The following COMMD1 variants were observed in gnomAD, a reference collection of about 807,000 sequenced individuals.
COMMD1 encodes copper metabolism domain containing 1.
COMMD1 carries 10 observed loss-of-function variants against 17.2 expected under a neutral mutation model. That is an observed-to-expected ratio of 0.58 (90% CI 0.36 to 0.99). The LOEUF (loss-of-function observed/expected upper bound fraction) is 0.99. Ranked by LOEUF, COMMD1 falls within the 50% of genes least tolerant of loss-of-function variation. The pLI is 0.01. For missense variants in COMMD1, 270 were observed against 231.8 expected (o/e 1.17, Z -1.07); for synonymous variants, 97 against 91.6 (o/e 1.06, Z -0.34).
chr2:62,084,602 T>C lies in COMMD1; in HGVS notation c.463-51229T>C, dbSNP rs1377501993. Among the ~76,000 whole-genome samples the C allele has an allele frequency of 2.8e-4, 42 of 152,180 alleles. 1 individual carries two copies. Among genetic ancestry groups the C allele is most frequent in the Admixed American group, 2.7e-3 (42 of 15,282 alleles). ...TTGTTCAAGGGTCAACTGTATTCTG[T>C]TTTATGATTTCTGAAAAAGGCTCAT... On this transcript the variant is annotated intron_variant, in intron 2 of 2. Coordinates refer to ENST00000311832, the MANE Select transcript of COMMD1 (RefSeq NM_152516.4).
intron 2 of COMMD1, among the ~76,000 whole-genome samples, chr2:62,004,234 A>G (rs1349642826): frequency 6.6e-6 from 1 of 152,250 alleles, no homozygotes. Flanking sequence ...TGTACATCAC[A>G]TACTTCAAAG....
At chr2:61,998,926 T>C (rs1668844432) in intron 1 of COMMD1, among the ~76,000 whole-genome samples, 2 of 152,178 alleles carry the variant, frequency 1.3e-5, no homozygotes, top group African/African-American at 4.8e-5. Flanking sequence ...TCTATGGGCA[T>C]GTTTCATGGC....
chr2:61,943,572 C>T (rs556216518), intron 1 of COMMD1, among the ~76,000 whole-genome samples: 8 of 152,130 alleles, frequency 5.3e-5, no homozygotes, highest in South Asian at 2.1e-4. Context: ...CCTTGGGTCA[C>T]GCCTGTAATC....
intron 1 of COMMD1, among the ~76,000 whole-genome samples, chr2:61,977,431 A>T (rs115646557): frequency 6.6e-6 from 1 of 150,456 alleles, no homozygotes; most frequent in Non-Finnish European, 1.5e-5. Flanking sequence ...TTTAGCATAG[A>T]TGGGGTTTCT....
intron 1 of COMMD1, among the ~76,000 whole-genome samples, chr2:61,982,169 A>G (rs1435993866): frequency 6.6e-6 from 1 of 152,052 alleles, no homozygotes; most frequent in Non-Finnish European, 1.5e-5. Flanking sequence ...TTCTTTCACT[A>G]TTGTTTTAAA....
chr2:62,055,514 T>C (rs1161857007), intron 2 of COMMD1: 5 of 454,742 alleles, frequency 1.1e-5, no homozygotes, highest in Admixed American at 7.1e-5. Context: ...ATTGAAGCCA[T>C]GAAACCTTCA....
intron 1 of COMMD1, among the ~76,000 whole-genome samples, chr2:61,893,055 C>CG (rs1669472682): frequency 6.6e-6 from 1 of 151,778 alleles, no homozygotes; most frequent in Non-Finnish European, 1.5e-5. Context: ...TTAGTAGAGA[C>CG]GGGGTTTCAC....
In COMMD1 at chr2:62,130,083, G is replaced by GAACGGCGTGAACCCGGCAGA. The variant is rs1672984715; in HGVS notation, c.463-5747_463-5746insACGGCGTGAACCCGGCAGAA. ...CCAGCTATTCAGGAGGCTGAGGCAG[G>GAACGGCGTGAACCCGGCAGA]AGAACGGCGTGAACCCGGGAGGCGG... On this transcript the variant is annotated intron_variant, in intron 2 of 2. Coordinates refer to ENST00000311832, the MANE Select transcript of COMMD1 (RefSeq NM_152516.4). Among the ~76,000 whole-genome samples, 4 of 151,304 alleles carry GAACGGCGTGAACCCGGCAGA rather than the reference G, an allele frequency of 2.6e-5. No homozygotes were observed. The South Asian group carries it at 8.3e-4, about 32-fold the overall frequency.
At chr2:61,961,125 T>A (rs947406001) in intron 1 of COMMD1, among the ~76,000 whole-genome samples, 6 of 152,156 alleles carry the variant, frequency 3.9e-5, no homozygotes, top group African/African-American at 1.4e-4. Context: ...TGGTGTTGCC[T>A]AAAAAAGGAA....
In COMMD1 at chr2:62,009,788, A is replaced by C. The variant is rs536587414; in HGVS notation, c.462+8806A>C. 4.6e-5 allele frequency among the ~76,000 whole-genome samples: 7 copies of C among 152,240 alleles called. No individual in the cohort carries two copies. The South Asian group carries it at 1.4e-3, about 32-fold the overall frequency. On this transcript the variant is annotated intron_variant, in intron 2 of 2. Transcript: ENST00000311832. Reference sequence around the variant, plus strand: ...AGAAGGGAATGTTTTAACAAAGTAAAATAAAATAAAAAATAAAAAAGCTAA... The same window carrying C: ...AGAAGGGAATGTTTTAACAAAGTAACATAAAATAAAAAATAAAAAAGCTAA...
At chr2:61,982,311 G>T (rs1671975958) in intron 1 of COMMD1, among the ~76,000 whole-genome samples, 1 of 152,104 alleles carries the variant, frequency 6.6e-6, no homozygotes, top group South Asian at 2.1e-4. Flanking sequence ...TTGGCATATA[G>T]AAATACTGCT....
rs567082574 is a variant in COMMD1 at position 62,018,308 on chromosome 2, G to C, written c.462+17326G>C. On this transcript the variant is annotated intron_variant, in intron 2 of 2. Transcript: ENST00000311832. ...GAGGAGCAGTTCACCAAAGGAATTA[G>C]GCATGCTGGACAAACAAAACCAATA... Among the ~76,000 whole-genome samples, 268 of 152,264 alleles carry C rather than the reference G, an allele frequency of 1.8e-3. 2 individuals carry two copies. The highest frequency in any genetic ancestry group is 5.2e-3 in the African/African-American group (218 of 41,544).
At chr2:62,109,335 A>G (rs1672393809) in intron 2 of COMMD1, among the ~76,000 whole-genome samples, 1 of 152,186 alleles carries the variant, frequency 6.6e-6, no homozygotes, top group Non-Finnish European at 1.5e-5. Context: ...GGACAATAGA[A>G]TGGAAGCTAA....
At chr2:61,915,479 A>T (rs1026738128) in intron 1 of COMMD1, among the ~76,000 whole-genome samples, 1 of 151,942 alleles carries the variant, frequency 6.6e-6, no homozygotes, top group Non-Finnish European at 1.5e-5. Context: ...CTTCAAACAC[A>T]TTTAAAAATT....
At chr2:61,998,262 T>G (rs944173906) in intron 1 of COMMD1, among the ~76,000 whole-genome samples, 1 of 150,368 alleles carries the variant, frequency 6.7e-6, no homozygotes, top group African/African-American at 2.4e-5. Context: ...TTTTTTTTTT[T>G]TTTTGTTTGA....
intron 1 of COMMD1, among the ~76,000 whole-genome samples, chr2:61,924,914 A>C (rs1240808880): frequency 1.3e-5 from 2 of 152,122 alleles, no homozygotes; most frequent in Admixed American, 6.6e-5. Flanking sequence ...AGAGGAGGTA[A>C]CTGCTGTATC....
chr2:62,119,767 T>TCA (rs1162078487), intron 2 of COMMD1, among the ~76,000 whole-genome samples: 3 of 152,214 alleles, frequency 2.0e-5, no homozygotes, highest in Admixed American at 1.3e-4. Flanking sequence ...TTGGTTTGAT[T>TCA]AGTACCACTT....
rs190444854 is a variant in COMMD1, at chr2:61,923,629, G to A, written c.180+17771G>A. Among the ~76,000 whole-genome samples, 268 of 152,252 alleles carry A rather than the reference G, an allele frequency of 1.8e-3. 2 individuals are homozygous for A. Among genetic ancestry groups the A allele is most frequent in the African/African-American group, 6.1e-3 (253 of 41,552 alleles). On this transcript the variant is annotated intron_variant, in intron 1 of 2. Coordinates refer to ENST00000311832, the MANE Select transcript of COMMD1 (RefSeq NM_152516.4). ...GGATACCAAGGTCACTGTGAACCAT[G>A]TGAGATAAGATGATAAAGGGGACCT...
chr2:61,983,907 T>G (rs1325339024), intron 1 of COMMD1, among the ~76,000 whole-genome samples: 1 of 152,216 alleles, frequency 6.6e-6, no homozygotes, highest in Admixed American at 6.5e-5. Flanking sequence ...TTCTAATTCT[T>G]TAAGATGCAT....
Sources: gnomAD v4.1 joint callset for allele counts (sites outside exome capture counted in the v4.1 genomes callset) on GRCh38, gnomAD v4.1.1 for gene constraint, MANE v1.5 for transcripts, NCBI Gene and HGNC (gene_info 2026-07-23, HGNC 2026-07-21) for gene names.